Variants in SLC43A2 observed in about 807,000 individuals in gnomAD.
SLC43A2 encodes the protein solute carrier family 43 member 2, also known as large neutral amino acids transporter small subunit 4.
In SLC43A2, 38 loss-of-function variants were observed where a neutral mutation model predicts 63.2. The ratio of observed to expected loss-of-function variants is 0.60; its 90% CI spans 0.46 to 0.79. The LOEUF is 0.79. Among genes scored for constraint, SLC43A2 ranks in the 30% least tolerant of loss-of-function variants. The probability of loss-of-function intolerance (pLI) is 0.00; values close to 1 mark genes in which losing one functional copy is unlikely to be tolerated. For missense variants in SLC43A2, 644 were observed against 756.2 expected (o/e 0.85, Z 1.74); for synonymous variants, 322 against 331.0 (o/e 0.97, Z 0.30).
rs143299542 is a variant in SLC43A2, at chr17:1,579,183, G to A, written c.1351-860C>T. Among the ~76,000 whole-genome samples the A allele has an allele frequency of 1.6e-3, 241 of 150,064 alleles. 2 individuals carry two copies. Among genetic ancestry groups the A allele is most frequent in the African/African-American group, 5.7e-3 (233 of 40,922 alleles). On this transcript the variant is annotated intron_variant, in intron 11 of 13. Transcript: ENST00000301335. ...AATAATAATAATTAAATTATAAGCC[G>A]AGAATGGTGGCTCACACCTGTAGTC...
Position 1,591,717 on chromosome 17 carries a change from G to T in SLC43A2, c.595-18C>A. ...TAGATGAGCTGACAGGCACCGCGGG[G>T]ACGGGGTGGGGGGGGGAGGGGGCAG... On this transcript the variant is annotated intron_variant, in intron 6 of 13. Coordinates refer to ENST00000301335, the MANE Select transcript of SLC43A2 (RefSeq NM_152346.3). The T allele has an allele frequency of 1.1e-6, 1 of 940,850 alleles. No homozygotes were observed. Among genetic ancestry groups the T allele is most frequent in the Non-Finnish European group, 1.6e-6 (1 of 633,206 alleles). 58.3% of individuals were successfully genotyped at this position (940,850 alleles called of 1,614,324 possible). A position where few individuals can be genotyped will look rare whatever the true frequency, so the allele number is the denominator to read the frequency against.
chr17:1,624,756 T>C (rs1333273320), intron 2 of SLC43A2, among the ~76,000 whole-genome samples: 1 of 151,258 alleles, frequency 6.6e-6, no homozygotes, highest in Non-Finnish European at 1.5e-5. Context: ...CTGAGTATGG[T>C]GGCGCACACT....
chr17:1,615,757 A>T (rs868052183), intron 3 of SLC43A2, among the ~76,000 whole-genome samples: 9 of 148,290 alleles, frequency 6.1e-5, no homozygotes, highest in Non-Finnish European at 1.0e-4. Context: ...GCAGGAGAAT[A>T]GCGTGAACCC....
intron 9 of SLC43A2, among the ~76,000 whole-genome samples, 185 bp from the exon 10 acceptor site, chr17:1,586,236 G>A (rs577629402): frequency 6.6e-5 from 10 of 152,252 alleles, no homozygotes; most frequent in Non-Finnish European, 1.3e-4. Flanking sequence ...TGGAGCACGG[G>A]GCAGGTCACC....
intron 2 of SLC43A2, among the ~76,000 whole-genome samples, chr17:1,619,963 G>T (rs765312892): frequency 6.6e-6 from 1 of 152,190 alleles, no homozygotes; most frequent in Non-Finnish European, 1.5e-5. Flanking sequence ...AGTGGGTGAG[G>T]CAGCACTGCC....
At chr17:1,625,501 C>T (rs1259949695) in intron 2 of SLC43A2, among the ~76,000 whole-genome samples, 1 of 152,220 alleles carries the variant, frequency 6.6e-6, no homozygotes. Flanking sequence ...CTATCTGCTT[C>T]TCTGCAATTC....
At chr17:1,576,448 G>T in intron 13 of SLC43A2, 149 bp downstream of exon 13, 3 of 826,684 alleles carry the variant, frequency 3.6e-6, no homozygotes, top group Non-Finnish European at 3.6e-6. Flanking sequence ...TTCCTGCCTA[G>T]CCACCATTCA....
At chr17:1,611,627 C>CA (rs11377420) in intron 5 of SLC43A2, among the ~76,000 whole-genome samples, 37,430 of 120,182 alleles carry the variant, frequency 0.31, 5,677 homozygotes, top group East Asian at 0.5. Context: ...CGAGCAGACT[C>CA]AAAAAAAAAA....
rs2075957314 is a variant in SLC43A2, at chr17:1,577,837, A to T, written c.1424+413T>A. Reference sequence around the variant, plus strand: ...TGGTGTATTCTGGACTCAGTCACCCATGTTGCTGCCCGTGATGAGGGCAAC... The same window carrying T: ...TGGTGTATTCTGGACTCAGTCACCCTTGTTGCTGCCCGTGATGAGGGCAAC... On this transcript the variant is annotated intron_variant, in intron 12 of 13. Transcript: ENST00000301335. This position sits in a 1 kb window ranked among gnomAD's most constrained non-coding sequence, Gnocchi z 4.9. Among the ~76,000 whole-genome samples, 2 of 152,136 alleles carry T rather than the reference A, an allele frequency of 1.3e-5. No individual in the cohort carries two copies. Among genetic ancestry groups the T allele is most frequent in the African/African-American group, 4.8e-5 (2 of 41,438 alleles).
At chr17:1,586,928 T>TGGCGCCCCCCC in intron 9 of SLC43A2, 3 of 1,232,870 alleles carry the variant, frequency 2.4e-6, no homozygotes, top group Non-Finnish European at 3.4e-6. Flanking sequence ...TCCCTGACAA[T>TGGCGCCCCCCC]CCCCCCCACC....
intron 5 of SLC43A2, among the ~76,000 whole-genome samples, chr17:1,600,022 T>C (rs546966849): frequency 1.3e-4 from 18 of 142,604 alleles, no homozygotes; most frequent in South Asian, 6.8e-4. Flanking sequence ...CCAGCCTGGG[T>C]GACAGAGCAA....
At chr17:1,629,412 G>A (rs1468632906), upstream of SLC43A2, among the ~76,000 whole-genome samples, 9 of 152,162 alleles carry the variant, frequency 5.9e-5, no homozygotes, top group African/African-American at 1.9e-4. Flanking sequence ...TCCCGTCCCG[G>A]CGTATTCGGG....
chr17:1,607,642 G>A (rs1432325824), intron 5 of SLC43A2, among the ~76,000 whole-genome samples: 1 of 152,186 alleles, frequency 6.6e-6, no homozygotes, highest in African/African-American at 2.4e-5. Flanking sequence ...CCTCAGACGA[G>A]GAACAGTGAC....
rs2075906444 is a variant in SLC43A2, at chr17:1,575,371, G to A, written c.*233C>T. 1.7e-6 allele frequency: 1 copy of A among 573,524 alleles called. No individual in the cohort carries two copies. The highest frequency in any genetic ancestry group is 3.0e-6 in the Non-Finnish European group (1 of 329,596). 35.5% of individuals were successfully genotyped at this position (573,524 alleles called of 1,614,324 possible). A position where few individuals can be genotyped will look rare whatever the true frequency, so the allele number is the denominator to read the frequency against. The stretch of plus-strand genomic sequence containing the variant: ...ACCCCAGGCCCCGGGTCCCCGGGGG[G>A]CGGCAGAGCAAAGTCAGGGCAGCCC... On this transcript the variant is annotated 3_prime_UTR_variant, in exon 14 of 14. Coordinates refer to ENST00000301335, the MANE Select transcript of SLC43A2 (RefSeq NM_152346.3).
intron 11 of SLC43A2, among the ~76,000 whole-genome samples, chr17:1,582,958 A>T (rs1199026709): frequency 6.6e-6 from 1 of 152,160 alleles, no homozygotes; most frequent in Non-Finnish European, 1.5e-5. Context: ...GCGCACCTGT[A>T]ATCCCAGCTA....
At position 1,583,320 on chromosome 17, in the gene SLC43A2, T is replaced by C; in HGVS notation, c.1234A>G (p.Lys412Glu). The change falls in exon 11 of 14, where the codon AAG (lysine) becomes GAG (glutamate). Residue 412 changes from lysine to glutamate, a missense_variant. Coordinates refer to ENST00000301335, the MANE Select transcript of SLC43A2 (RefSeq NM_152346.3). This position sits in a 1 kb window ranked among gnomAD's most constrained non-coding sequence, Gnocchi z 5.5. The part of the protein sequence containing the change: ...KDANQGEKKK[K>E]KRDRQIQKIT... ...TTCTGGATCTGCCGGTCCCGCTTCT[T>C]CTTTTTCTTCTCGCCTCTGTGGAGA... The C allele has an allele frequency of 6.2e-7, 1 of 1,614,174 alleles. No homozygotes were observed. Among genetic ancestry groups the C allele is most frequent in the Non-Finnish European group, 8.5e-7 (1 of 1,180,020 alleles).
At chr17:1,586,606 T>A (rs1297303313) in intron 9 of SLC43A2, among the ~76,000 whole-genome samples, 1 of 151,756 alleles carries the variant, frequency 6.6e-6, no homozygotes, top group African/African-American at 2.4e-5. Flanking sequence ...ACAAGGAGAA[T>A]CACTTGAACC....
At chr17:1,591,102 G>C (rs957918763) in intron 8 of SLC43A2, among the ~76,000 whole-genome samples, 154 bp from the exon 9 acceptor site, 2 of 152,132 alleles carry the variant, frequency 1.3e-5, no homozygotes, top group Admixed American at 1.3e-4. Flanking sequence ...GTCACCTCTT[G>C]GGTGAAATCA....
intron 2 of SLC43A2, among the ~76,000 whole-genome samples, chr17:1,619,162 G>A (rs544049073): frequency 4.6e-5 from 7 of 151,534 alleles, no homozygotes; most frequent in African/African-American, 7.3e-5. Flanking sequence ...AAAATTAGCC[G>A]GGCATGGTGG....
Sources: gnomAD v4.1 joint callset for allele counts (sites outside exome capture counted in the v4.1 genomes callset) on GRCh38, gnomAD v4.1.1 for gene constraint, Gnocchi (gnomAD v3.1) non-coding constraint, MANE v1.5 for transcripts, NCBI Gene and HGNC (gene_info 2026-07-23, HGNC 2026-07-21) for gene names.